The following ARID1B variants were observed in gnomAD, a reference collection of about 807,000 sequenced individuals.
ARID1B encodes the protein AT-rich interaction domain 1B.
In ARID1B, 30 loss-of-function variants were observed where a neutral mutation model predicts 212.3. The observed-to-expected ratio is 0.14, with a 90% confidence interval of 0.11 to 0.19. ARID1B has a LOEUF of 0.19. ARID1B is among the 10% of genes least tolerant of loss of function. The pLI is 1.00. For synonymous variants in ARID1B, 1,402 were observed against 1,301.7 expected, an observed-to-expected ratio of 1.08 and a Z score of -1.66; for missense variants, 2,891 against 3,204.0, an observed-to-expected ratio of 0.90 and a Z score of 2.36.
At chr6:156,784,530 C>T (rs1037829273) in intron 1 of ARID1B, among the ~76,000 whole-genome samples, 3 of 152,050 alleles carry the variant, frequency 2.0e-5, no homozygotes, top group Non-Finnish European at 4.4e-5. Context: ...ACTTAGGTAT[C>T]AGTCATTACC....
At chr6:157,017,194 T>C (rs9285548) in intron 4 of ARID1B, among the ~76,000 whole-genome samples, 68,495 of 152,106 alleles carry the variant, frequency 0.45, 16,227 homozygotes, top group East Asian at 0.68. Context: ...GGACTTGTTA[T>C]AGTGGTGGAT....
chr6:156,876,500 C>T (rs976112015), intron 2 of ARID1B, among the ~76,000 whole-genome samples: 1 of 152,218 alleles, frequency 6.6e-6, no homozygotes, highest in South Asian at 2.1e-4. Context: ...CCTCCAGCAT[C>T]CCAGTTCCGA....
In ARID1B at chr6:157,116,868, T is replaced by C. The variant is rs79935850; in HGVS notation, c.2581+6307T>C. ...TGTAGTCAAAGCACGCTGTACCTGA[T>C]TGAAAATTGGCTTTTGCTTTATCAG... On this transcript the variant is annotated intron_variant, in intron 6 of 19. Coordinates refer to ENST00000636930, the MANE Select transcript of ARID1B (RefSeq NM_001374828.1). 4.5e-3 allele frequency among the ~76,000 whole-genome samples: 687 copies of C among 152,312 alleles called. 4 individuals are homozygous for C. Among genetic ancestry groups the C allele is most frequent in the Middle Eastern group, 0.017 (5 of 294 alleles).
chr6:157,120,151 TC>T (rs1332787203), intron 6 of ARID1B, among the ~76,000 whole-genome samples: 14 of 152,234 alleles, frequency 9.2e-5, no homozygotes, highest in African/African-American at 3.4e-4. Context: ...TTTGTCTTTT[TC>T]CTCAGCACTG....
At chr6:157,042,061 A>C (rs989419910) in intron 4 of ARID1B, among the ~76,000 whole-genome samples, 5 of 152,108 alleles carry the variant, frequency 3.3e-5, no homozygotes, top group South Asian at 4.1e-4. Context: ...CTTCCTCTTC[A>C]CAGACAGGCA....
chr6:156,781,019 A>G (rs951287707), intron 1 of ARID1B, among the ~76,000 whole-genome samples: 10 of 152,218 alleles, frequency 6.6e-5, no homozygotes, highest in African/African-American at 9.6e-5. Flanking sequence ...ATAGGCAGCA[A>G]TATATTTTGG....
intron 11 of ARID1B, among the ~76,000 whole-genome samples, chr6:157,177,857 C>A (rs986067385): frequency 6.6e-6 from 1 of 152,148 alleles, no homozygotes; most frequent in Non-Finnish European, 1.5e-5. Context: ...ACCCGTCTTT[C>A]CGAAGGGCGA....
intron 4 of ARID1B, among the ~76,000 whole-genome samples, chr6:157,074,802 C>T (rs1367829496): frequency 6.6e-6 from 1 of 152,076 alleles, no homozygotes; most frequent in African/African-American, 2.4e-5. Flanking sequence ...GGTCTGGGAA[C>T]GTGCTCCAGG....
At chr6:157,110,636 T>TG (rs1219651414) in intron 6 of ARID1B, 75 bp downstream of exon 6, 13 of 1,321,568 alleles carry the variant, frequency 9.8e-6, no homozygotes, top group Non-Finnish European at 1.1e-5. Flanking sequence ...TGCTTACCTA[T>TG]GCACCTCCTT....
chr6:157,160,749 C>T (rs934913681), intron 8 of ARID1B, among the ~76,000 whole-genome samples: 4 of 152,214 alleles, frequency 2.6e-5, no homozygotes, highest in Admixed American at 1.3e-4. Context: ...GCATTTTCTC[C>T]TGGAGAGGGC....
At chr6:156,974,430 G>A (rs1012995703) in intron 4 of ARID1B, among the ~76,000 whole-genome samples, 2 of 152,138 alleles carry the variant, frequency 1.3e-5, no homozygotes, top group South Asian at 4.1e-4. Context: ...TAATGTACCT[G>A]AAAAGCCAAT....
In ARID1B at chr6:157,007,837, G is replaced by C. The variant is rs189293055; in HGVS notation, c.2247+72261G>C. ...ACTACAGGCATCCTCCACCATGCCC[G>C]GCTAATTTTGTGTATTTTTTAGTAG... On this transcript the variant is annotated intron_variant, in intron 4 of 19. Coordinates refer to ENST00000636930, the MANE Select transcript of ARID1B (RefSeq NM_001374828.1). Among the ~76,000 whole-genome samples, 669 of 150,962 alleles carry C rather than the reference G, an allele frequency of 4.4e-3. 5 individuals are homozygous for C. Among genetic ancestry groups the C allele is most frequent in the African/African-American group, 0.016 (638 of 41,058 alleles).
rs77230376 is a variant in ARID1B at position 157,141,762 on chromosome 6, C to T, written c.2762-6862C>T. Among the ~76,000 whole-genome samples, 1,358 of 152,170 alleles carry T rather than the reference C, an allele frequency of 8.9e-3. 16 individuals carry two copies. Among genetic ancestry groups the T allele is most frequent in the African/African-American group, 0.031 (1,267 of 41,510 alleles). On this transcript the variant is annotated intron_variant, in intron 7 of 19. Coordinates refer to ENST00000636930, the MANE Select transcript of ARID1B (RefSeq NM_001374828.1). ...CGTTGATTTCTATTACATACTGATTCGAATGGCTAATTTTTTTAAGTTGGA... is the reference window on the plus strand; with the variant it reads ...CGTTGATTTCTATTACATACTGATTTGAATGGCTAATTTTTTTAAGTTGGA...
chr6:157,147,025 A>G (rs1190959465), intron 7 of ARID1B, among the ~76,000 whole-genome samples: 1 of 152,154 alleles, frequency 6.6e-6, no homozygotes, highest in Non-Finnish European at 1.5e-5. Context: ...GGTTATTGGA[A>G]GAAATGAATG....
chr6:156,897,221 T>TGCTGCTG (rs1562468311), intron 2 of ARID1B, among the ~76,000 whole-genome samples: 76 of 78,772 alleles, frequency 9.6e-4, no homozygotes, highest in African/African-American at 2.7e-3. Flanking sequence ...TGCTGCTGCT[T>TGCTGCTG]CTTCTTCTTC....
At chr6:157,097,447 A>C (rs1036767120) in intron 5 of ARID1B, among the ~76,000 whole-genome samples, 1 of 152,196 alleles carries the variant, frequency 6.6e-6, no homozygotes, top group African/African-American at 2.4e-5. Context: ...TTGGTCTGGA[A>C]AACACGGTCC....
intron 4 of ARID1B, among the ~76,000 whole-genome samples, chr6:156,957,660 G>A (rs776614250): frequency 5.3e-5 from 8 of 152,142 alleles, no homozygotes; most frequent in Non-Finnish European, 1.0e-4. Context: ...TTTAAAATAT[G>A]TTTCTTTCTG....
Position 156,778,692 on chromosome 6 carries a change from C to T in ARID1B, c.1012C>T (p.His338Tyr), listed in dbSNP as rs1778884261. 5 of 1,516,450 alleles carry T rather than the reference C, an allele frequency of 3.3e-6. No individual in the cohort carries two copies. The highest frequency in any genetic ancestry group is 4.4e-6 in the Non-Finnish European group (5 of 1,130,816). 93.9% of individuals were successfully genotyped at this position (1,516,450 alleles called of 1,614,324 possible). The change falls in exon 1 of 20, where the codon CAT becomes TAT. Residue 338 changes from histidine (H) to tyrosine (Y), a missense_variant. By Grantham distance (83) the His-to-Tyr change is moderately conservative (BLOSUM62 2). Transcript: ENST00000636930. ...GGRAGPCFDQ[H>Y]GGQQSPGMGM... ...CCGCGCTGGGCCTTGCTTTGATCAA[C>T]ATGGCGGACAACAAAGCCCCGGGAT...
At chr6:156,983,099 A>AAAAAAAAAG (rs1274932106) in intron 4 of ARID1B, among the ~76,000 whole-genome samples, 23 of 151,722 alleles carry the variant, frequency 1.5e-4, no homozygotes, top group South Asian at 2.1e-4. Flanking sequence ...TGTCTCAAAA[A>AAAAAAAAAG]AAAAAAAAGA....
Sources: gnomAD v4.1 joint callset for allele counts (sites outside exome capture counted in the v4.1 genomes callset) on GRCh38, gnomAD v4.1.1 for gene constraint, MANE v1.5 for transcripts, NCBI Gene and HGNC (gene_info 2026-07-23, HGNC 2026-07-21) for gene names.